ALK: variants seen among roughly 807,000 people sequenced by gnomAD.
ALK encodes the protein ALK tyrosine kinase receptor.
ALK carries 74 observed loss-of-function variants against 163.1 expected under a neutral mutation model. That is an observed-to-expected ratio of 0.45 (90% confidence interval 0.38 to 0.55). The LOEUF is 0.55. ALK is among the 20% of genes least tolerant of loss of function. ALK has a pLI of 0.00. For missense variants in ALK, 2,063 were observed against 2,105.3 expected, an observed-to-expected ratio of 0.98 and a Z score of 0.39; for synonymous variants, 960 against 843.2, an observed-to-expected ratio of 1.14 and a Z score of -2.40.
chr2:29,347,752 T>C (rs887782997), intron 5 of ALK, among the ~76,000 whole-genome samples: 2 of 152,160 alleles, frequency 1.3e-5, no homozygotes, highest in African/African-American at 4.8e-5. Context: ...CAGCTGCCGA[T>C]CTAGCTCTTT....
intron 4 of ALK, among the ~76,000 whole-genome samples, chr2:29,413,006 G>T (rs1290289333): frequency 2.6e-5 from 4 of 152,246 alleles, no homozygotes; most frequent in Non-Finnish European, 5.9e-5. Flanking sequence ...ATGGTGGCAT[G>T]TGACATGCTT....
At chr2:29,857,175 GT>G (rs1483235520) in intron 1 of ALK, among the ~76,000 whole-genome samples, 2 of 152,124 alleles carry the variant, frequency 1.3e-5, no homozygotes, top group African/African-American at 4.8e-5. Context: ...GTGACACTAA[GT>G]TTTTTTAGTA....
intron 1 of ALK, among the ~76,000 whole-genome samples, chr2:29,803,079 A>G (rs1301509172): frequency 1.3e-5 from 2 of 152,252 alleles, no homozygotes; most frequent in Non-Finnish European, 1.5e-5. Flanking sequence ...TATGCAAGTA[A>G]GGAATTGCTT....
intron 12 of ALK, among the ~76,000 whole-genome samples, chr2:29,240,503 C>G (rs1265952151): frequency 6.6e-6 from 1 of 152,144 alleles, no homozygotes; most frequent in African/African-American, 2.4e-5. Flanking sequence ...GTTGTAAAGT[C>G]TCCCCATGGG....
chr2:29,586,987 T>C (rs181980938), intron 3 of ALK, among the ~76,000 whole-genome samples: 1 of 152,156 alleles, frequency 6.6e-6, no homozygotes, highest in Non-Finnish European at 1.5e-5. Context: ...TCTAGTAGGA[T>C]GAGGTGGGTG....
intron 8 of ALK, among the ~76,000 whole-genome samples, chr2:29,311,500 T>C (rs980009350): frequency 6.6e-6 from 1 of 152,190 alleles, no homozygotes; most frequent in Non-Finnish European, 1.5e-5. Flanking sequence ...TCCAAACAAA[T>C]AGGTATGTTA....
intron 23 of ALK, among the ~76,000 whole-genome samples, chr2:29,219,956 T>A (rs570902006): frequency 6.6e-5 from 10 of 152,190 alleles, no homozygotes; most frequent in Non-Finnish European, 1.2e-4. Context: ...GACTGTGGGC[T>A]CTGAATGAGT....
chr2:29,672,691 C>T (rs1338633735), intron 3 of ALK, among the ~76,000 whole-genome samples: 6 of 152,136 alleles, frequency 3.9e-5, no homozygotes, highest in Non-Finnish European at 7.3e-5. Context: ...GGTATATACC[C>T]AGTAATGGGA....
At chr2:29,391,589 G>A (rs1669173965) in intron 4 of ALK, among the ~76,000 whole-genome samples, 1 of 152,124 alleles carries the variant, frequency 6.6e-6, no homozygotes, top group South Asian at 2.1e-4. Context: ...TTACAGCCAT[G>A]AGCCACCGCA....
intron 5 of ALK, among the ~76,000 whole-genome samples, chr2:29,337,557 C>G (rs747971589): frequency 5.3e-5 from 8 of 152,150 alleles, no homozygotes; most frequent in Non-Finnish European, 1.0e-4. Flanking sequence ...GACTTCAGTC[C>G]TATAGAATCA....
chr2:29,643,571 G>C (rs1015163764), intron 3 of ALK, among the ~76,000 whole-genome samples: 3 of 152,148 alleles, frequency 2.0e-5, no homozygotes, highest in Non-Finnish European at 2.9e-5. Flanking sequence ...ATTGCAAAAG[G>C]CTTGGTGGAG....
intron 5 of ALK, among the ~76,000 whole-genome samples, chr2:29,339,627 T>A (rs1035814731): frequency 1.3e-5 from 2 of 152,146 alleles, no homozygotes; most frequent in African/African-American, 4.8e-5. Context: ...GGCAAACCAC[T>A]TGGCAGGCTG....
intron 3 of ALK, among the ~76,000 whole-genome samples, chr2:29,666,627 A>G (rs573065748): frequency 5.9e-5 from 9 of 152,260 alleles, no homozygotes; most frequent in African/African-American, 2.2e-4. Context: ...AAAGAGGATG[A>G]TGGGCTGAAG....
intron 22 of ALK, 45 bp from the exon 23 acceptor site, chr2:29,220,880 C>T (rs1227161770): frequency 1.2e-6 from 2 of 1,612,454 alleles, no homozygotes; most frequent in Non-Finnish European, 1.7e-6. Flanking sequence ...TGAGCTGAGT[C>T]TGGGCAAATC....
chr2:29,232,386 C>T lies in ALK; in HGVS notation c.2550G>A (p.Gly850=), dbSNP rs772710286. The change falls in exon 15 of 29, where the codon GGG becomes GGA. Residue 850 remains glycine, a synonymous_variant. Coordinates refer to ENST00000389048, the MANE Select transcript of ALK (RefSeq NM_004304.5). ...IAAGGGGRAY[G]AKTDTFHPER... ...CTGGGTGGAACGTGTCTGTCTTGGC[C>T]CCGTAGGCCCTGCCACCACCTCCGG... is the stretch of plus-strand genomic sequence containing the variant. 4 of 1,614,250 alleles carry T rather than the reference C, an allele frequency of 2.5e-6. No individual in the cohort carries two copies. The highest frequency in any genetic ancestry group is 3.4e-6 in the Non-Finnish European group (4 of 1,180,050).
intron 1 of ALK, among the ~76,000 whole-genome samples, chr2:29,793,398 C>A (rs965169706): frequency 1.3e-5 from 2 of 152,146 alleles, no homozygotes; most frequent in Admixed American, 6.6e-5. Context: ...TTCTTCCAAA[C>A]CCCTGTTCAT....
chr2:29,769,250 G>C (rs1680949584), intron 1 of ALK, among the ~76,000 whole-genome samples: 1 of 152,160 alleles, frequency 6.6e-6, no homozygotes, highest in Non-Finnish European at 1.5e-5. Flanking sequence ...ATATGGAAAG[G>C]GGTTGGAGTC....
intron 1 of ALK, among the ~76,000 whole-genome samples, chr2:29,734,731 T>C (rs2148320175): frequency 6.6e-6 from 1 of 152,102 alleles, no homozygotes; most frequent in East Asian, 1.9e-4. Context: ...CCAACAGTAA[T>C]CAAATAAAAG....
At chr2:29,835,959 A>G (rs949014214) in intron 1 of ALK, among the ~76,000 whole-genome samples, 2 of 152,160 alleles carry the variant, frequency 1.3e-5, no homozygotes, top group Non-Finnish European at 2.9e-5. Context: ...ATGGACTAAT[A>G]TAGTCCAACT....
Sources: allele counts gnomAD v4.1 joint callset (sites outside exome capture counted in the v4.1 genomes callset), GRCh38; gene constraint gnomAD v4.1.1; transcripts MANE v1.5; gene names NCBI Gene and HGNC (gene_info 2026-07-23, HGNC 2026-07-21).